Variants in TRIM34 observed in about 807,000 individuals in gnomAD.
TRIM34 encodes the protein E3 ubiquitin-protein ligase TRIM34.
A neutral mutation model predicts 38.1 loss-of-function variants in TRIM34; 41 were observed. The observed-to-expected ratio is 1.08, with a 90% CI of 0.84 to 1.40. TRIM34 has a LOEUF of 1.40. TRIM34 is among the 40% of genes most tolerant of loss of function. The probability of loss-of-function intolerance (pLI) is 0.00; values close to 1 mark genes in which losing one functional copy is unlikely to be tolerated. For missense variants in TRIM34, 556 were observed against 571.4 expected, an observed-to-expected ratio of 0.97 and a Z score of 0.27; for synonymous variants, 200 against 202.5, an observed-to-expected ratio of 0.99 and a Z score of 0.10.
Position 5,643,937 on chromosome 11 carries a change from C to G in TRIM34, c.*228C>G. 1.7e-6 allele frequency: 1 copy of G among 573,432 alleles called. No homozygotes were observed. Among genetic ancestry groups the G allele is most frequent in the Non-Finnish European group, 2.9e-6 (1 of 343,038 alleles). The allele number at this position is 573,432 out of a possible 1,614,324, so 35.5% of individuals were successfully genotyped here. A position where few individuals can be genotyped will look rare whatever the true frequency, so the allele number is the denominator to read the frequency against. On this transcript the variant is annotated 3_prime_UTR_variant, in exon 8 of 8. Coordinates refer to ENST00000429814, the MANE Select transcript of TRIM34 (RefSeq NM_021616.6). ...TACCTAATCCCTCCTAAAGACACAG[C>G]AGTATGGGTATAACATCCTTGCCTT...
chr11:5,632,291 C>G lies in TRIM34; in HGVS notation c.-41C>G, dbSNP rs749334105. ...TCTTTAACCAGAAGAGAGAGGAGAG[C>G]CTCAGGAGTTAGGACCAGAAGAAGC... is the stretch of plus-strand genomic sequence containing the variant. On this transcript the variant is annotated 5_prime_UTR_variant, in exon 2 of 8. Coordinates refer to ENST00000429814, the MANE Select transcript of TRIM34 (RefSeq NM_021616.6). The G allele has an allele frequency of 3.7e-6, 6 of 1,613,262 alleles. No homozygotes were observed. The highest frequency in any genetic ancestry group is 5.1e-6 in the Non-Finnish European group (6 of 1,179,588).
chr11:5,639,871 T>C (rs1025978497), intron 4 of TRIM34, among the ~76,000 whole-genome samples: 2 of 152,080 alleles, frequency 1.3e-5, no homozygotes, highest in Non-Finnish European at 1.5e-5. Flanking sequence ...TACATATTTA[T>C]AGGGTACATA....
At chr11:5,638,073 G>A (rs1394668008) in intron 4 of TRIM34, among the ~76,000 whole-genome samples, 1 of 152,170 alleles carries the variant, frequency 6.6e-6, no homozygotes, top group African/African-American at 2.4e-5. Flanking sequence ...ATGTAAATCA[G>A]CGTATCCAAT....
intron 1 of TRIM34, among the ~76,000 whole-genome samples, chr11:5,628,719 A>G (rs1849351365): frequency 6.6e-6 from 1 of 152,184 alleles, no homozygotes; most frequent in Non-Finnish European, 1.5e-5. Context: ...GTAACCAATT[A>G]TCACAAACTA....
At position 5,631,602 on chromosome 11, in the gene TRIM34, A is replaced by T. The variant is rs543365886; in HGVS notation, c.-77-653A>T. 3.9e-5 allele frequency among the ~76,000 whole-genome samples: 6 copies of T among 152,198 alleles called. No individual in the cohort carries two copies. In the East Asian group the frequency reaches 1.2e-3, roughly 29 times the overall value. ...TCTGGAAAGTCTGTGAGGGCATGGG[A>T]GGATTTTGTGTGGGTAGATGTGTTA... On this transcript the variant is annotated intron_variant, in intron 1 of 7. Transcript: ENST00000429814.
In TRIM34 at chr11:5,633,892, C is replaced by G. The variant is rs1849600585; in HGVS notation, c.512C>G (p.Ser171Cys). 8 of 1,613,894 alleles carry G rather than the reference C, an allele frequency of 5.0e-6. No individual in the cohort carries two copies. In the East Asian group the frequency reaches 1.6e-4, roughly 31 times the overall value. The stretch of plus-strand genomic sequence containing the variant: ...GCTGACATCAGAGAAGAGAAAACTT[C>G]CTGGAAGGCAAGAGGAGATTCTGAA... ...LEADIREEKTSWKYQVQTERQ... is the reference protein window; with the variant it reads ...LEADIREEKTCWKYQVQTERQ... The change falls in exon 3 of 8, where the codon TCC (serine) becomes TGC (cysteine). Residue 171 changes from serine (S) to cysteine (C), a missense_variant. By Grantham distance (112) the Ser-to-Cys change is moderately radical. Coordinates refer to ENST00000429814, the MANE Select transcript of TRIM34 (RefSeq NM_021616.6).
At chr11:5,626,342 A>T (rs1849231594) in intron 1 of TRIM34, among the ~76,000 whole-genome samples, 1 of 152,246 alleles carries the variant, frequency 6.6e-6, no homozygotes, top group Non-Finnish European at 1.5e-5. Flanking sequence ...CAAGAAGATG[A>T]CTAATACTAT....
intron 6 of TRIM34, 82 bp from the exon 7 acceptor site, chr11:5,642,735 G>C: frequency 6.3e-7 from 1 of 1,576,628 alleles, no homozygotes; most frequent in Non-Finnish European, 8.6e-7. Flanking sequence ...CCCTTCCCCT[G>C]TCCCTACTCT....
chr11:5,622,784 A>G, upstream of TRIM34, among the ~76,000 whole-genome samples: 1 of 152,214 alleles, frequency 6.6e-6, no homozygotes, highest in Non-Finnish European at 1.5e-5. Context: ...TGTAAATGAA[A>G]GAGTATCTGA....
chr11:5,637,098 A>G (rs10838469), intron 4 of TRIM34, among the ~76,000 whole-genome samples: 44,071 of 152,026 alleles, frequency 0.29, 7,216 homozygotes, highest in East Asian at 0.62. Context: ...GTGTGAACCC[A>G]GGAGGCGGAG....
upstream of TRIM34, among the ~76,000 whole-genome samples, chr11:5,620,231 G>A (rs1179973447): frequency 6.0e-5 from 8 of 133,344 alleles, no homozygotes; most frequent in African/African-American, 2.2e-4. Flanking sequence ...AGGCTGGAGT[G>A]CGGCGGCGGG....
chr11:5,643,574 C>G lies in TRIM34; in HGVS notation c.1332C>G (p.Val444=). The G allele has an allele frequency of 6.2e-7, 1 of 1,614,170 alleles. No individual in the cohort carries two copies. Among genetic ancestry groups the G allele is most frequent in the Non-Finnish European group, 8.5e-7 (1 of 1,180,014 alleles). ...GVFLDYEAGI[V]SFFNVTSHGS... is the part of the protein sequence containing the mutation. ...TCCTCGACTATGAAGCAGGCATTGTCTCATTTTTCAATGTCACAAGCCATG... is the reference window on the plus strand; with the variant it reads ...TCCTCGACTATGAAGCAGGCATTGTGTCATTTTTCAATGTCACAAGCCATG... The change falls in exon 8 of 8, where the codon GTC becomes GTG. Residue 444 remains valine (V), a synonymous_variant. Transcript: ENST00000429814.
At position 5,633,830 on chromosome 11, in the gene TRIM34, G is replaced by T. The variant is rs1849597914; in HGVS notation, c.450G>T (p.Arg150Ser). 1 of 1,613,920 alleles carries T rather than the reference G, an allele frequency of 6.2e-7. No individual in the cohort carries two copies. The highest frequency in any genetic ancestry group is 8.5e-7 in the Non-Finnish European group (1 of 1,179,970). The part of the protein sequence containing the change: ...CQEKLQAVLK[R>S]LKKEEEEAEK... Reference sequence around the variant, plus strand: ...AGAAACTCCAGGCAGTCCTCAAGAGGCTGAAGAAGGAAGAGGAGGAAGCTG... The same window carrying T: ...AGAAACTCCAGGCAGTCCTCAAGAGTCTGAAGAAGGAAGAGGAGGAAGCTG... The change falls in exon 3 of 8, where the codon AGG becomes AGT. Residue 150 changes from arginine to serine, a missense_variant. Transcript: ENST00000429814.
rs536098381 is a variant in TRIM34 at position 5,632,885 on chromosome 11, G to A, written c.423+131G>A. 1.2e-5 allele frequency: 15 copies of A among 1,271,102 alleles called. No individual in the cohort carries two copies. The South Asian group carries it at 2.6e-4, about 22-fold the overall frequency. 78.7% of individuals were successfully genotyped at this position (1,271,102 alleles called of 1,614,324 possible). ...TCTGTCGCCCAGGCTGGAGTGCAGT[G>A]GCGTGCTCTCGGCTCACTGCAACCT... On this transcript the variant is annotated intron_variant, in intron 2 of 7. Transcript: ENST00000429814.
chr11:5,628,709 G>A (rs1319568205), intron 1 of TRIM34, among the ~76,000 whole-genome samples: 1 of 151,974 alleles, frequency 6.6e-6, no homozygotes, highest in African/African-American at 2.4e-5. Flanking sequence ...TAGCACTGTT[G>A]TAACCAATTA....
chr11:5,623,436 C>T (rs921101660), upstream of TRIM34, among the ~76,000 whole-genome samples: 1 of 151,760 alleles, frequency 6.6e-6, no homozygotes, highest in Non-Finnish European at 1.5e-5. Flanking sequence ...GGTGCGATCT[C>T]GGCTCACTGC....
At chr11:5,640,874 T>C (rs1427224716) in intron 4 of TRIM34, among the ~76,000 whole-genome samples, 1 of 152,216 alleles carries the variant, frequency 6.6e-6, no homozygotes, top group African/African-American at 2.4e-5. Flanking sequence ...TGTGTATTGA[T>C]AGTTTCTGTA....
At chr11:5,627,799 A>T (rs1383870991) in intron 1 of TRIM34, among the ~76,000 whole-genome samples, 3 of 152,238 alleles carry the variant, frequency 2.0e-5, no homozygotes, top group Non-Finnish European at 4.4e-5. Flanking sequence ...TCTGACCAAG[A>T]ATCCAGAAGA....
chr11:5,632,421 T>A lies in TRIM34; in HGVS notation c.90T>A (p.Cys30Ter). The stretch of plus-strand genomic sequence containing the variant: ...TGACAGAACCCTTGAGTCTAGACTG[T>A]GGCCACAGCCTCTGCCGAGCCTGCA... ...ELLTEPLSLDCGHSLCRACIT... is the reference protein window; with the variant it reads ...ELLTEPLSLD Residue 30 changes from cysteine (C) to a stop codon, truncating the protein, a stop_gained, in exon 2 of 8, where the codon TGT (cysteine) becomes TGA (stop). Coordinates refer to ENST00000429814, the MANE Select transcript of TRIM34 (RefSeq NM_021616.6). LOFTEE classifies it high-confidence loss of function. 1.2e-6 allele frequency: 2 copies of A among 1,613,960 alleles called. No homozygotes were observed. Among genetic ancestry groups the A allele is most frequent in the Non-Finnish European group, 1.7e-6 (2 of 1,179,988 alleles).
Sources: allele counts gnomAD v4.1 joint callset (sites outside exome capture counted in the v4.1 genomes callset), GRCh38; gene constraint gnomAD v4.1.1; transcripts MANE v1.5; gene names NCBI Gene and HGNC (gene_info 2026-07-23, HGNC 2026-07-21).